The following NR3C1 variants were observed in gnomAD, a reference collection of about 807,000 sequenced individuals.
NR3C1 encodes nuclear receptor subfamily 3 group C member 1.
A neutral mutation model predicts 74.0 loss-of-function variants in NR3C1; 14 were observed. That is an observed-to-expected ratio of 0.19 (90% CI 0.12 to 0.30). The LOEUF (loss-of-function observed/expected upper bound fraction) is 0.30. Among genes scored for constraint, NR3C1 ranks in the 10% least tolerant of loss-of-function variants. The pLI is 1.00. For missense variants in NR3C1, 695 were observed against 909.8 expected (o/e 0.76, Z 3.04); for synonymous variants, 308 against 332.5 (o/e 0.93, Z 0.80).
chr5:143,405,418 G>A (rs2151952539), upstream of NR3C1: 3 of 930,362 alleles, frequency 3.2e-6, no homozygotes, highest in South Asian at 5.0e-5. Context: ...GAAGCCGCCC[G>A]CCGCCATCTT....
intron 1 of NR3C1, among the ~76,000 whole-genome samples, chr5:143,421,215 C>T (rs1222733072): frequency 6.6e-6 from 1 of 152,098 alleles, no homozygotes; most frequent in African/African-American, 2.4e-5. Flanking sequence ...CTAAGTGTCA[C>T]CTTTGAGTTC....
chr5:143,359,187 T>C (rs1453713586), intron 2 of NR3C1, among the ~76,000 whole-genome samples: 6 of 152,174 alleles, frequency 3.9e-5, no homozygotes, highest in Non-Finnish European at 7.4e-5. Flanking sequence ...CCAAGCCTCA[T>C]TTCCAAACCC....
chr5:143,355,294 C>A (rs1830934491), intron 2 of NR3C1, among the ~76,000 whole-genome samples: 1 of 152,072 alleles, frequency 6.6e-6, no homozygotes, highest in Non-Finnish European at 1.5e-5. Flanking sequence ...GATACCCAAC[C>A]CCAAAATTCT....
At chr5:143,305,360 T>C (rs1819358472) in intron 4 of NR3C1, among the ~76,000 whole-genome samples, 1 of 152,076 alleles carries the variant, frequency 6.6e-6, no homozygotes, top group Non-Finnish European at 1.5e-5. Flanking sequence ...ATTAAGAGTT[T>C]AACTACCATT....
At chr5:143,283,375 A>G (rs1352437094) in intron 7 of NR3C1, among the ~76,000 whole-genome samples, 1 of 152,210 alleles carries the variant, frequency 6.6e-6, no homozygotes, top group African/African-American at 2.4e-5. Context: ...GGAAGTGGTG[A>G]TGATACACCT....
intron 1 of NR3C1, chr5:143,401,511 T>C (rs1336045444): frequency 6.5e-6 from 1 of 154,050 alleles, no homozygotes; most frequent in Non-Finnish European, 1.4e-5. Flanking sequence ...TGGATGTGCC[T>C]ACCTCCAAAT....
intron 6 of NR3C1, among the ~76,000 whole-genome samples, chr5:143,296,792 G>A (rs1168740714): frequency 6.6e-6 from 1 of 151,978 alleles, no homozygotes; most frequent in African/African-American, 2.4e-5. Context: ...AAAAAGGGTG[G>A]AGGGCTGGGT....
intron 6 of NR3C1, among the ~76,000 whole-genome samples, chr5:143,297,074 T>TGAA (rs1224419618): frequency 1.6e-5 from 1 of 64,232 alleles, no homozygotes; most frequent in Non-Finnish European, 2.9e-5. Context: ...AAGACTCGTC[T>TGAA]CAAAAAAAAA....
intron 1 of NR3C1, among the ~76,000 whole-genome samples, chr5:143,417,833 T>C (rs1272844763): frequency 6.6e-6 from 1 of 152,178 alleles, no homozygotes; most frequent in African/African-American, 2.4e-5. Context: ...ACTATATGAT[T>C]TATCAGGCCT....
rs1315910533 is a variant in NR3C1 at position 143,280,211 on chromosome 5, A to C, written c.*1678T>G. ...TACAAAAAATATATAACATGTCATG[A>C]TAAAACAATCTCATCTAAAAATCAT... On this transcript the variant is annotated 3_prime_UTR_variant, in exon 9 of 9. Transcript: ENST00000394464. 1 of 152,660 alleles carries C rather than the reference A, an allele frequency of 6.6e-6. No individual in the cohort carries two copies. Among genetic ancestry groups the C allele is most frequent in the Admixed American group, 6.5e-5 (1 of 15,270 alleles). 9.5% of individuals were successfully genotyped at this position (152,660 alleles called of 1,614,324 possible). A position where few individuals can be genotyped will look rare whatever the true frequency, so the allele number is the denominator to read the frequency against.
At position 143,295,608 on chromosome 5, in the gene NR3C1, CA is replaced by C. The variant is rs763736515; in HGVS notation, c.1893-19del. The C allele has an allele frequency of 9.4e-6, 15 of 1,602,438 alleles. No individual in the cohort carries two copies. Among genetic ancestry groups the C allele is most frequent in the Non-Finnish European group, 1.2e-5 (14 of 1,170,332 alleles). ...TTCTCTGCCTGTGAAAGATAAATAG[CA>C]GGGTATTAGTTAGAAATACTGCTAC... On this transcript the variant is annotated intron_variant, in intron 6 of 8. Transcript: ENST00000394464.
At chr5:143,335,304 A>G (rs901165410) in intron 2 of NR3C1, among the ~76,000 whole-genome samples, 2 of 152,232 alleles carry the variant, frequency 1.3e-5, no homozygotes, top group Non-Finnish European at 2.9e-5. Context: ...GTAACCATAA[A>G]GCCCAACTCA....
Position 143,333,241 on chromosome 5 carries a change from C to G in NR3C1, c.1185-19073G>C, listed in dbSNP as rs1056377721. The G allele has an allele frequency of 2.9e-6, 4 of 1,369,710 alleles. No homozygotes were observed. The African/African-American group carries it at 5.7e-5, about 20-fold the overall frequency. The allele number at this position is 1,369,710 out of a possible 1,614,324, so 84.8% of individuals were successfully genotyped here. A position where few individuals can be genotyped will look rare whatever the true frequency, so the allele number is the denominator to read the frequency against. ...CAGCTCATCCGTCAGCTGAACTAGA[C>G]CCAGGTGAGGCAGGGCTGAAAACTG... On this transcript the variant is annotated intron_variant, in intron 2 of 8. Transcript: ENST00000394464.
rs1277664695 is a variant in NR3C1, at chr5:143,280,866, G to T, written c.*1023C>A. The T allele has an allele frequency of 2.0e-5, 3 of 152,158 alleles. No individual in the cohort carries two copies. Among genetic ancestry groups the T allele is most frequent in the Admixed American group, 2.0e-4 (3 of 15,262 alleles). 9.4% of individuals were successfully genotyped at this position (152,158 alleles called of 1,614,324 possible). ...TATCTGGAATCACAACTTTTAAGAA[G>T]TTATACAAACTACTTCAAAAGGTCC... On this transcript the variant is annotated 3_prime_UTR_variant, in exon 9 of 9. Transcript: ENST00000394464.
In NR3C1 at chr5:143,314,129, G is replaced by A; in HGVS notation, c.1224C>T (p.Ser408=). The part of the protein sequence containing the change: ...MRPDVSSPPS[S]SSTATTGPPP... ...GTGGTCCTGTTGTTGCTGTTGAGGA[G>A]CTGGATGGAGGAGAGCTTACATCTG... The change falls in exon 3 of 9, where the codon AGC becomes AGT. Residue 408 remains serine (S), a synonymous_variant. Transcript: ENST00000394464. 1 of 1,613,794 alleles carries A rather than the reference G, an allele frequency of 6.2e-7. No individual in the cohort carries two copies. The highest frequency in any genetic ancestry group is 8.5e-7 in the Non-Finnish European group (1 of 1,179,772).
At position 143,281,674 on chromosome 5, in the gene NR3C1, T is replaced by C; in HGVS notation, c.*215A>G. On this transcript the variant is annotated 3_prime_UTR_variant, in exon 9 of 9. Coordinates refer to ENST00000394464, the MANE Select transcript of NR3C1 (RefSeq NM_000176.3). Reference sequence around the variant, plus strand: ...ATATTAACTAATAAATTTCACCATCTACTCTCCCATCACTGAAAAGTGATG... The same window carrying C: ...ATATTAACTAATAAATTTCACCATCCACTCTCCCATCACTGAAAAGTGATG... 1.9e-6 allele frequency: 1 copy of C among 534,326 alleles called. No homozygotes were observed. 33.1% of individuals were successfully genotyped at this position (534,326 alleles called of 1,614,324 possible).
At chr5:143,384,315 G>A (rs11740747) in intron 2 of NR3C1, among the ~76,000 whole-genome samples, 19,672 of 151,994 alleles carry the variant, frequency 0.13, 1,471 homozygotes, top group Middle Eastern at 0.3. Flanking sequence ...ATATTATTCT[G>A]CCCCCGGCCC....
chr5:143,424,565 C>T (rs1321150892), intron 1 of NR3C1, among the ~76,000 whole-genome samples: 1 of 152,098 alleles, frequency 6.6e-6, no homozygotes, highest in African/African-American at 2.4e-5. Flanking sequence ...TACTTATGGT[C>T]TTAAGCATGG....
chr5:143,281,814 A>T lies in NR3C1; in HGVS notation c.*75T>A. ...AAAAATAAAACAACAAAACCTCTAC[A>T]GGACAAACTGATAGTTTATACAATA... On this transcript the variant is annotated 3_prime_UTR_variant, in exon 9 of 9. Transcript: ENST00000394464. 5 of 1,430,686 alleles carry T rather than the reference A, an allele frequency of 3.5e-6. No individual in the cohort carries two copies. The highest frequency in any genetic ancestry group is 4.9e-6 in the Non-Finnish European group (5 of 1,019,604). The allele number at this position is 1,430,686 out of a possible 1,614,324, so 88.6% of individuals were successfully genotyped here. A position where few individuals can be genotyped will look rare whatever the true frequency, so the allele number is the denominator to read the frequency against.
Sources: allele counts gnomAD v4.1 joint callset (sites outside exome capture counted in the v4.1 genomes callset), GRCh38; gene constraint gnomAD v4.1.1; transcripts MANE v1.5; gene names NCBI Gene and HGNC (gene_info 2026-07-23, HGNC 2026-07-21).